WDR44: variants seen among roughly 807,000 people sequenced by gnomAD.
WDR44 encodes WD repeat-containing protein 44.
A neutral mutation model predicts 65.7 loss-of-function variants in WDR44; 9 were observed. The ratio of observed to expected loss-of-function variants is 0.14; its 90% confidence interval spans 0.08 to 0.24. WDR44 has a LOEUF of 0.24. Among genes scored for constraint, WDR44 ranks in the 10% least tolerant of loss-of-function variants. The pLI is 1.00. For synonymous variants in WDR44, 220 were observed against 235.2 expected, an observed-to-expected ratio of 0.94 and a Z score of 0.59; for missense variants, 425 against 670.9, an observed-to-expected ratio of 0.63 and a Z score of 4.05.
intron 6 of WDR44, 95 bp downstream of exon 6, chrX:118,395,439 G>T: frequency 1.4e-6 from 1 of 690,946 alleles, no homozygotes; most frequent in Non-Finnish European, 2.2e-6. Flanking sequence ...TGGTAATGAT[G>T]GTTGCATGAC....
chrX:118,445,490 A>G (rs1017013044), intron 19 of WDR44, among the ~76,000 whole-genome samples: 2 of 112,205 alleles, frequency 1.8e-5, no homozygotes, highest in Non-Finnish European at 3.8e-5. Flanking sequence ...GCTTGCCTAC[A>G]CATAGTAGGT....
chrX:118,377,715 TTCTC>T (rs199604168), intron 1 of WDR44, among the ~76,000 whole-genome samples: 2,296 of 86,485 alleles, frequency 0.027, 35 homozygotes, highest in Middle Eastern at 0.07. Flanking sequence ...TTTAATTTTC[TTCTC>T]TCTCTTTTTT....
intron 14 of WDR44, among the ~76,000 whole-genome samples, chrX:118,439,860 C>T (rs1023307341): frequency 1.8e-5 from 2 of 109,273 alleles, no homozygotes; most frequent in Non-Finnish European, 3.8e-5. Flanking sequence ...TGGCTCACTC[C>T]TATAATCCCA....
Position 118,448,965 on chromosome X carries a change from A to G in WDR44, c.2720A>G (p.Asn907Ser), listed in dbSNP as rs749853141. 3.4e-6 allele frequency: 4 copies of G among 1,187,515 alleles called. No homozygotes were observed. The highest frequency in any genetic ancestry group is 2.3e-5 in the Admixed American group (1 of 44,314). ...ACTGGAGCAATCAAAGTGTTTGTTAATAAAAGAAAAAATGTATCTTAATTT... is the reference window on the plus strand; with the variant it reads ...ACTGGAGCAATCAAAGTGTTTGTTAGTAAAAGAAAAAATGTATCTTAATTT... ...DFTGAIKVFV[N>S]KRKNVS The change falls in exon 20 of 20, where the codon AAT becomes AGT. Residue 907 changes from asparagine to serine, a missense_variant. By Grantham distance (46) the Asn-to-Ser change is conservative (BLOSUM62 1). Coordinates refer to ENST00000254029, the MANE Select transcript of WDR44 (RefSeq NM_019045.5).
intron 1 of WDR44, among the ~76,000 whole-genome samples, chrX:118,370,517 C>A (rs1441599122): frequency 9.0e-6 from 1 of 110,862 alleles, no homozygotes; most frequent in East Asian, 2.8e-4. Flanking sequence ...CTTCCTGAGG[C>A]CCTCACCGGG....
At chrX:118,415,856 G>A (rs1390233756) in intron 12 of WDR44, among the ~76,000 whole-genome samples, 2 of 111,183 alleles carry the variant, frequency 1.8e-5, no homozygotes, top group Non-Finnish European at 3.8e-5. Context: ...TTTCAATCTC[G>A]CTGCTTGTTA....
At chrX:118,364,082 G>A (rs1040856720) in intron 1 of WDR44, among the ~76,000 whole-genome samples, 1 of 112,066 alleles carries the variant, frequency 8.9e-6, no homozygotes, top group Non-Finnish European at 1.9e-5. Context: ...AATGAGCTAG[G>A]CCTAAACTTT....
chrX:118,379,666 A>G (rs1231097520), intron 2 of WDR44, among the ~76,000 whole-genome samples: 1 of 111,579 alleles, frequency 9.0e-6, no homozygotes, highest in East Asian at 2.8e-4. Flanking sequence ...AGGGGGAGAG[A>G]TTGTAATGGA....
At chrX:118,408,626 T>G (rs1194672824) in intron 10 of WDR44, among the ~76,000 whole-genome samples, 2 of 111,851 alleles carry the variant, frequency 1.8e-5, no homozygotes, top group Non-Finnish European at 3.8e-5. Flanking sequence ...CTCAAACTCC[T>G]GAGCTCAAGT....
Position 118,392,557 on chromosome X carries a change from A to G in WDR44, c.187-75A>G, listed in dbSNP as rs752555441. The G allele has an allele frequency of 5.8e-6, 5 of 858,636 alleles. No homozygotes were observed. In the East Asian group the frequency reaches 1.3e-4, roughly 22 times the overall value. 70.8% of individuals were successfully genotyped at this position (858,636 alleles called of 1,213,427 possible). ...CATTGCCTGGCACATACTAAGTACT[A>G]TGTAAATGATTAGCTGTTACTGTGT... On this transcript the variant is annotated intron_variant, in intron 3 of 19. Coordinates refer to ENST00000254029, the MANE Select transcript of WDR44 (RefSeq NM_019045.5).
At chrX:118,367,553 C>G (rs1182771898) in intron 1 of WDR44, among the ~76,000 whole-genome samples, 1 of 111,604 alleles carries the variant, frequency 9.0e-6, no homozygotes, top group Non-Finnish European at 1.9e-5. Flanking sequence ...ATTAGACTTA[C>G]TAGTGTAGAG....
At chrX:118,354,005 AG>A (rs2056436873) in intron 1 of WDR44, among the ~76,000 whole-genome samples, 1 of 108,083 alleles carries the variant, frequency 9.3e-6, no homozygotes, top group Non-Finnish European at 1.9e-5. Context: ...AAGACTGAAT[AG>A]TTGTATGGGT....
At chrX:118,448,301 G>A (rs1292469698) in intron 19 of WDR44, among the ~76,000 whole-genome samples, 3 of 111,652 alleles carry the variant, frequency 2.7e-5, no homozygotes, top group Non-Finnish European at 5.6e-5. Context: ...TTTTTATTAA[G>A]TGCTTTTATG....
chrX:118,366,311 C>T (rs1311402774), intron 1 of WDR44, among the ~76,000 whole-genome samples: 1 of 111,469 alleles, frequency 9.0e-6, no homozygotes, highest in Non-Finnish European at 1.9e-5. Context: ...TAAATCTTAG[C>T]ACATTCTGAG....
intron 14 of WDR44, among the ~76,000 whole-genome samples, chrX:118,437,187 A>G (rs2057261432): frequency 8.9e-6 from 1 of 111,829 alleles, no homozygotes; most frequent in African/African-American, 3.2e-5. Flanking sequence ...GGGAGGGAAG[A>G]GACAGAGAAA....
intron 12 of WDR44, among the ~76,000 whole-genome samples, chrX:118,423,335 A>AT (rs1031908018): frequency 1.8e-5 from 2 of 110,477 alleles, no homozygotes; most frequent in Admixed American, 9.7e-5. Context: ...CTCCCAGCTA[A>AT]TTTTTTTGTA....
At chrX:118,370,557 A>C (rs1040550947) in intron 1 of WDR44, among the ~76,000 whole-genome samples, 3 of 110,139 alleles carry the variant, frequency 2.7e-5, no homozygotes, top group Non-Finnish European at 5.7e-5. Context: ...CTTCTTGTAC[A>C]GCCTGCAAAA....
chrX:118,441,597 C>A, intron 15 of WDR44, 38 bp downstream of exon 15: 2 of 1,114,117 alleles, frequency 1.8e-6, no homozygotes, highest in Non-Finnish European at 2.4e-6. Context: ...TAATTGTATA[C>A]TTAGTAAACA....
At chrX:118,404,936 G>A (rs1289115673) in intron 9 of WDR44, among the ~76,000 whole-genome samples, 3 of 111,732 alleles carry the variant, frequency 2.7e-5, no homozygotes, top group East Asian at 2.8e-4. Context: ...TCCTGACCTC[G>A]TGATCTGCCT....
Sources: allele counts gnomAD v4.1 joint callset (sites outside exome capture counted in the v4.1 genomes callset), GRCh38; gene constraint gnomAD v4.1.1; transcripts MANE v1.5; gene names NCBI Gene and HGNC (gene_info 2026-07-23, HGNC 2026-07-21).